The following ATXN7L1 variants were observed in gnomAD, a reference collection of about 807,000 sequenced individuals.
ATXN7L1 encodes ataxin-7-like protein 1.
A neutral mutation model predicts 70.8 loss-of-function variants in ATXN7L1; 15 were observed. The ratio of observed to expected loss-of-function variants is 0.21; its 90% CI spans 0.14 to 0.33. ATXN7L1 has a LOEUF of 0.33. Ranked by LOEUF, ATXN7L1 falls within the 10% of genes least tolerant of loss-of-function variation. The probability of loss-of-function intolerance (pLI) is 1.00; values close to 1 mark genes in which losing one functional copy is unlikely to be tolerated. For synonymous variants in ATXN7L1, 440 were observed against 445.1 expected, an observed-to-expected ratio of 0.99 and a Z score of 0.14; for missense variants, 975 against 1,097.1, an observed-to-expected ratio of 0.89 and a Z score of 1.57.
intron 3 of ATXN7L1, among the ~76,000 whole-genome samples, chr7:105,666,580 G>T (rs532395349): frequency 1.4e-4 from 21 of 152,330 alleles, no homozygotes; most frequent in African/African-American, 5.1e-4. Flanking sequence ...CCAATGGGTT[G>T]CCAGGCTGTC....
intron 4 of ATXN7L1, among the ~76,000 whole-genome samples, chr7:105,654,193 C>T (rs1800271683): frequency 6.6e-6 from 1 of 152,246 alleles, no homozygotes; most frequent in Non-Finnish European, 1.5e-5. Context: ...AAAAACCAAA[C>T]TGGCACCCCA....
At position 105,614,020 on chromosome 7, in the gene ATXN7L1, A is replaced by G; in HGVS notation, c.2314T>C (p.Phe772Leu). ...CGCTTTTTTCCTTCTGATTTGTCAA[A>G]AGAGAGGGGCAGAGAAGACACAGCA... Reference protein sequence around the residue: ...HNAVSSLPLSFDKSEGKKRKN... With the variant: ...HNAVSSLPLSLDKSEGKKRKN... The change falls in exon 10 of 12, where the codon TTT becomes CTT. Residue 772 changes from phenylalanine (F) to leucine (L), a missense_variant. Around this residue, in one of 5 missense-constraint regions of ATXN7L1, gnomAD observed 635 missense variants for 699.4 expected, o/e 0.91. Transcript: ENST00000419735. This position sits in a 1 kb window ranked among gnomAD's most constrained non-coding sequence, Gnocchi z 4.3. 6.4e-7 allele frequency: 1 copy of G among 1,552,026 alleles called. No homozygotes were observed. Among genetic ancestry groups the G allele is most frequent in the Non-Finnish European group, 8.7e-7 (1 of 1,147,064 alleles).
intron 4 of ATXN7L1, among the ~76,000 whole-genome samples, chr7:105,650,184 C>G (rs558809001): frequency 5.9e-5 from 9 of 152,256 alleles, no homozygotes; most frequent in Admixed American, 5.9e-4. Context: ...CAGGCAATCA[C>G]TAAGAATCAG....
At position 105,790,077 on chromosome 7, in the gene ATXN7L1, T is replaced by C. The variant is rs1332042705; in HGVS notation, c.251-1369A>G. ...AAAGGTCACATATTGAATGACCCCATTTATATGAAATGTCCAGAATAGGCA... is the reference window on the plus strand; with the variant it reads ...AAAGGTCACATATTGAATGACCCCACTTATATGAAATGTCCAGAATAGGCA... On this transcript the variant is annotated intron_variant, in intron 2 of 11. Coordinates refer to ENST00000419735, the MANE Select transcript of ATXN7L1 (RefSeq NM_020725.2). Among the ~76,000 whole-genome samples the C allele has an allele frequency of 3.3e-5, 5 of 152,290 alleles. No individual in the cohort carries two copies. The East Asian group carries it at 9.6e-4, about 29-fold the overall frequency.
intron 3 of ATXN7L1, among the ~76,000 whole-genome samples, chr7:105,672,234 C>T (rs974072778): frequency 1.3e-5 from 2 of 151,758 alleles, no homozygotes; most frequent in East Asian, 3.9e-4. Flanking sequence ...TGCAGTGAGC[C>T]GAGATCATGC....
chr7:105,683,237 A>C (rs1805758936), intron 3 of ATXN7L1, among the ~76,000 whole-genome samples: 1 of 152,206 alleles, frequency 6.6e-6, no homozygotes, highest in Non-Finnish European at 1.5e-5. Flanking sequence ...GCATATGTAC[A>C]TACAGATTTT....
intron 3 of ATXN7L1, among the ~76,000 whole-genome samples, chr7:105,733,895 TC>T (rs1760938975): frequency 2.1e-5 from 2 of 97,130 alleles, no homozygotes; most frequent in African/African-American, 3.8e-5. Flanking sequence ...CCATCATCCA[TC>T]CATCCATCAT....
intron 4 of ATXN7L1, among the ~76,000 whole-genome samples, chr7:105,660,112 C>T (rs1460449198): frequency 6.6e-6 from 1 of 152,012 alleles, no homozygotes; most frequent in African/African-American, 2.4e-5. Flanking sequence ...ATATTTATCT[C>T]ACCCAGCCCC....
intron 3 of ATXN7L1, among the ~76,000 whole-genome samples, chr7:105,668,912 T>G (rs1366743250): frequency 6.6e-6 from 1 of 151,772 alleles, no homozygotes; most frequent in Non-Finnish European, 1.5e-5. Context: ...TGAAAACATA[T>G]ATATATATTT....
chr7:105,668,061 C>T (rs983609922), intron 3 of ATXN7L1, among the ~76,000 whole-genome samples: 1 of 152,006 alleles, frequency 6.6e-6, no homozygotes, highest in Non-Finnish European at 1.5e-5. Context: ...AATGAAGATA[C>T]GTTTATTTTG....
rs575485552 is a variant in ATXN7L1, at chr7:105,740,936, T to C, written c.355+47668A>G. Among the ~76,000 whole-genome samples, 328 of 151,964 alleles carry C rather than the reference T, an allele frequency of 2.2e-3. 1 individual carries two copies. The highest frequency in any genetic ancestry group is 7.6e-3 in the African/African-American group (316 of 41,404). ...CCCGCCACCACGCCTGGCTAATTTTTTGTATTTTTAGTAGAGATGGGTTTT... is the reference window on the plus strand; with the variant it reads ...CCCGCCACCACGCCTGGCTAATTTTCTGTATTTTTAGTAGAGATGGGTTTT... On this transcript the variant is annotated intron_variant, in intron 3 of 11. Transcript: ENST00000419735.
chr7:105,870,453 C>T (rs2116677323), intron 2 of ATXN7L1, among the ~76,000 whole-genome samples: 1 of 152,230 alleles, frequency 6.6e-6, no homozygotes, highest in South Asian at 2.1e-4. Context: ...TTTTCTAGAG[C>T]TAGCTTCATT....
At chr7:105,626,018 A>AT (rs1287262904) in intron 7 of ATXN7L1, among the ~76,000 whole-genome samples, 2 of 152,194 alleles carry the variant, frequency 1.3e-5, no homozygotes, top group Non-Finnish European at 2.9e-5. Flanking sequence ...CTTTTCTCTT[A>AT]TTTTCACCCT....
intron 2 of ATXN7L1, among the ~76,000 whole-genome samples, chr7:105,865,414 T>C (rs1817257478): frequency 6.6e-6 from 1 of 152,062 alleles, no homozygotes; most frequent in African/African-American, 2.4e-5. Flanking sequence ...CTTTTTTTTT[T>C]TTTTTGAGAC....
At chr7:105,810,707 C>T (rs796161902) in intron 2 of ATXN7L1, among the ~76,000 whole-genome samples, 5 of 152,180 alleles carry the variant, frequency 3.3e-5, no homozygotes, top group Non-Finnish European at 5.9e-5. Context: ...CGCGAGCCAG[C>T]GTAGAGGCAC....
At chr7:105,750,283 C>CTT (rs200153235) in intron 3 of ATXN7L1, among the ~76,000 whole-genome samples, 150 of 146,100 alleles carry the variant, frequency 1.0e-3, no homozygotes, top group African/African-American at 2.9e-3. Context: ...TATAATTGCT[C>CTT]TTTTTTTTTT....
chr7:105,667,251 G>A (rs1303001612), intron 3 of ATXN7L1, among the ~76,000 whole-genome samples: 1 of 152,212 alleles, frequency 6.6e-6, no homozygotes, highest in Non-Finnish European at 1.5e-5. Context: ...GTGATTGCCA[G>A]GGTCAGGGCT....
At chr7:105,740,927 G>T (rs1797956162) in intron 3 of ATXN7L1, among the ~76,000 whole-genome samples, 1 of 151,890 alleles carries the variant, frequency 6.6e-6, no homozygotes, top group Non-Finnish European at 1.5e-5. Context: ...ACCACGCCTG[G>T]CTAATTTTTT....
At chr7:105,784,162 C>T (rs1803928397) in intron 3 of ATXN7L1, among the ~76,000 whole-genome samples, 1 of 152,172 alleles carries the variant, frequency 6.6e-6, no homozygotes. Context: ...GTGGTTTCAC[C>T]ATGTTCCCCA....
Sources: gnomAD v4.1 joint callset for allele counts (sites outside exome capture counted in the v4.1 genomes callset) on GRCh38, gnomAD v4.1.1 for gene constraint, gnomAD v4.1.1 regional missense constraint, Gnocchi (gnomAD v3.1) non-coding constraint, MANE v1.5 for transcripts, NCBI Gene and HGNC (gene_info 2026-07-23, HGNC 2026-07-21) for gene names.